Variants in DAGLA observed in about 807,000 individuals in gnomAD.
The protein encoded by DAGLA is diacylglycerol lipase-alpha.
A neutral mutation model predicts 102.6 loss-of-function variants in DAGLA; 22 were observed. That is an observed-to-expected ratio of 0.21 (90% CI 0.15 to 0.31). The LOEUF (loss-of-function observed/expected upper bound fraction) is 0.31. Ranked by LOEUF, DAGLA falls within the 10% of genes least tolerant of loss-of-function variation. The probability of loss-of-function intolerance (pLI) is 1.00; values close to 1 mark genes in which losing one functional copy is unlikely to be tolerated. For synonymous variants in DAGLA, 578 were observed against 628.9 expected (o/e 0.92, Z 1.21); for missense variants, 927 against 1,446.6 (o/e 0.64, Z 5.83).
intron 1 of DAGLA, among the ~76,000 whole-genome samples, chr11:61,716,698 T>G (rs1427297170): frequency 6.6e-6 from 1 of 152,126 alleles, no homozygotes; most frequent in Non-Finnish European, 1.5e-5. Flanking sequence ...GGCTTGGACT[T>G]TGTCCTGCAG....
chr11:61,721,853 C>T (rs2065286145), intron 3 of DAGLA, among the ~76,000 whole-genome samples: 1 of 152,268 alleles, frequency 6.6e-6, no homozygotes, highest in Admixed American at 6.5e-5. Context: ...GCCTAGCTCT[C>T]ACACAACTAG....
rs550886562 is a variant in DAGLA, at chr11:61,683,859, C to T, written c.-45+3355C>T. Among the ~76,000 whole-genome samples the T allele has an allele frequency of 3.9e-5, 6 of 152,298 alleles. No homozygotes were observed. The South Asian group carries it at 1.2e-3, about 32-fold the overall frequency. The stretch of plus-strand genomic sequence containing the variant: ...GTTCCAGCTGAGGCAGGGGGCCAGT[C>T]ACTTAGGAGTGGACCTCGAGGGCAA... On this transcript the variant is annotated intron_variant, in intron 1 of 19. Transcript: ENST00000257215.
At chr11:61,681,274 C>G (rs1244575010) in intron 1 of DAGLA, among the ~76,000 whole-genome samples, 1 of 152,082 alleles carries the variant, frequency 6.6e-6, no homozygotes, top group Non-Finnish European at 1.5e-5. Flanking sequence ...TTATAATGGG[C>G]ATAAACAAGA....
At chr11:61,715,790 G>C (rs1469733630) in intron 1 of DAGLA, among the ~76,000 whole-genome samples, 1 of 152,262 alleles carries the variant, frequency 6.6e-6, no homozygotes, top group African/African-American at 2.4e-5. Context: ...TGCAACAGCA[G>C]CCATCAGCAG....
chr11:61,731,576 T>G, intron 9 of DAGLA, 135 bp downstream of exon 9: 1 of 1,233,228 alleles, frequency 8.1e-7, no homozygotes. Flanking sequence ...CCTCAACCTT[T>G]CTAGTTCTGT....
At chr11:61,697,436 G>A (rs1341407008) in intron 1 of DAGLA, among the ~76,000 whole-genome samples, 2 of 152,126 alleles carry the variant, frequency 1.3e-5, no homozygotes, top group African/African-American at 4.8e-5. Flanking sequence ...ACACGTGGCT[G>A]AGCCCCAGGT....
chr11:61,724,104 G>A (rs1469658016), intron 5 of DAGLA, among the ~76,000 whole-genome samples: 2 of 152,108 alleles, frequency 1.3e-5, no homozygotes, highest in Admixed American at 1.3e-4. Context: ...ATTAAATTAG[G>A]CTAGGCTGCC....
At chr11:61,735,429 C>A in intron 10 of DAGLA, 132 bp from the exon 11 acceptor site, 1 of 776,546 alleles carries the variant, frequency 1.3e-6, no homozygotes, top group South Asian at 1.8e-5. Context: ...AGCCCGTCAG[C>A]CTTTCTGGCG....
At chr11:61,693,493 C>T (rs374676219) in intron 1 of DAGLA, among the ~76,000 whole-genome samples, 37 of 150,994 alleles carry the variant, frequency 2.5e-4, no homozygotes, top group Non-Finnish European at 4.7e-4. Context: ...GGACTACAGG[C>T]GCCCACCACC....
At chr11:61,731,523 A>G (rs1415611391) in intron 9 of DAGLA, 82 bp downstream of exon 9, 1 of 1,568,812 alleles carries the variant, frequency 6.4e-7, no homozygotes, top group African/African-American at 1.3e-5. Context: ...GGCTGCGCCT[A>G]CTGCTTTGCC....
chr11:61,715,040 G>T (rs1170172212), intron 1 of DAGLA, among the ~76,000 whole-genome samples: 2 of 152,230 alleles, frequency 1.3e-5, no homozygotes, highest in African/African-American at 4.8e-5. Context: ...TGGTTTAGAA[G>T]TGAGGAGACT....
At chr11:61,691,684 A>T (rs1411255120) in intron 1 of DAGLA, among the ~76,000 whole-genome samples, 1 of 152,266 alleles carries the variant, frequency 6.6e-6, no homozygotes, top group East Asian at 1.9e-4. Context: ...TCGAGTCTCC[A>T]TAAAGTGGAG....
At position 61,744,214 on chromosome 11, in the gene DAGLA, T is replaced by C; in HGVS notation, c.2854T>C (p.Ser952Pro). ...PTSDYAEGPK[S>P]PSQQEILLRA... is the part of the protein sequence containing the mutation. The stretch of plus-strand genomic sequence containing the variant: ...CAGTGACTACGCTGAGGGCCCCAAG[T>C]CCCCCAGCCAGCAAGAGATCCTGCT... The change falls in exon 20 of 20, where the codon TCC (serine) becomes CCC (proline). Residue 952 changes from serine to proline, a missense_variant. By Grantham distance (74) the Ser-to-Pro change is moderately conservative. This residue lies in a region of DAGLA where 434 missense variants were observed against 503.3 expected (regional missense o/e 0.86). Coordinates refer to ENST00000257215, the MANE Select transcript of DAGLA (RefSeq NM_006133.3). 1 of 1,612,690 alleles carries C rather than the reference T, an allele frequency of 6.2e-7. No individual in the cohort carries two copies. The highest frequency in any genetic ancestry group is 8.5e-7 in the Non-Finnish European group (1 of 1,179,920).
chr11:61,702,249 A>C (rs1054863549), intron 1 of DAGLA, among the ~76,000 whole-genome samples: 17 of 152,114 alleles, frequency 1.1e-4, no homozygotes, highest in South Asian at 2.1e-4. Flanking sequence ...TTTAACTCTG[A>C]TAATTACAAG....
chr11:61,701,403 C>T (rs2065109364), intron 1 of DAGLA, among the ~76,000 whole-genome samples: 1 of 152,202 alleles, frequency 6.6e-6, no homozygotes, highest in Non-Finnish European at 1.5e-5. Flanking sequence ...TCCCTCTGCT[C>T]TAGGTAGGGA....
intron 18 of DAGLA, 23 bp from the exon 19 acceptor site, chr11:61,741,139 A>C (rs199746350): frequency 9.4e-6 from 15 of 1,593,624 alleles, no homozygotes; most frequent in Non-Finnish European, 8.5e-6. Context: ...CACCACCCCC[A>C]GCCTCCTCTG....
intron 1 of DAGLA, among the ~76,000 whole-genome samples, chr11:61,701,404 T>C (rs1465362042): frequency 6.6e-6 from 1 of 152,104 alleles, no homozygotes; most frequent in East Asian, 1.9e-4. Flanking sequence ...CCCTCTGCTC[T>C]AGGTAGGGAA....
At chr11:61,735,686 C>T (rs1395138162) in intron 11 of DAGLA, 42 bp downstream of exon 11, 2 of 1,612,852 alleles carry the variant, frequency 1.2e-6, no homozygotes, top group East Asian at 4.5e-5. Flanking sequence ...GTGCCTGCCT[C>T]CCTCTTCCTG....
intron 1 of DAGLA, among the ~76,000 whole-genome samples, chr11:61,714,096 A>G (rs1429656495): frequency 2.0e-5 from 3 of 152,210 alleles, no homozygotes. Flanking sequence ...TGTGGCGTCC[A>G]GTGCTAGTTT....
Sources: gnomAD v4.1 joint callset for allele counts (sites outside exome capture counted in the v4.1 genomes callset) on GRCh38, gnomAD v4.1.1 for gene constraint, gnomAD v4.1.1 regional missense constraint, MANE v1.5 for transcripts, NCBI Gene and HGNC (gene_info 2026-07-23, HGNC 2026-07-21) for gene names.